Variants in COG6 observed in about 807,000 individuals in gnomAD.
COG6 encodes the protein component of oligomeric golgi complex 6.
COG6 carries 74 observed loss-of-function variants against 88.8 expected under a neutral mutation model. That is an observed-to-expected ratio of 0.83 (90% CI 0.69 to 1.01). The LOEUF (loss-of-function observed/expected upper bound fraction) is 1.01, where lower values mean the gene tolerates loss of function less well. Ranked by LOEUF, COG6 falls within the 50% of genes least tolerant of loss-of-function variation. COG6 has a pLI of 0.00. For missense variants in COG6, 800 were observed against 797.9 expected, an observed-to-expected ratio of 1.00 and a Z score of -0.03; for synonymous variants, 286 against 278.7, an observed-to-expected ratio of 1.03 and a Z score of -0.26.
At chr13:39,667,816 A>C (rs1875364827) in intron 4 of COG6, among the ~76,000 whole-genome samples, 1 of 152,200 alleles carries the variant, frequency 6.6e-6, no homozygotes, top group Non-Finnish European at 1.5e-5. Context: ...TTTATTTAGA[A>C]GTATAGGACT....
intron 18 of COG6, among the ~76,000 whole-genome samples, chr13:39,772,964 G>C (rs1881361106): frequency 6.6e-6 from 1 of 152,224 alleles, no homozygotes; most frequent in Admixed American, 6.5e-5. Context: ...TTTGGGGCCA[G>C]GAGCTTTGTA....
At chr13:39,743,862 C>G (rs1403056713) in intron 18 of COG6, among the ~76,000 whole-genome samples, 1 of 152,092 alleles carries the variant, frequency 6.6e-6, no homozygotes, top group East Asian at 1.9e-4. Flanking sequence ...CAATAAAATA[C>G]TGGCAAACTG....
chr13:39,682,474 A>G lies in COG6; in HGVS notation c.788+210A>G, dbSNP rs2137993629. On this transcript the variant is annotated intron_variant, in intron 8 of 18. Coordinates refer to ENST00000455146, the MANE Select transcript of COG6 (RefSeq NM_020751.3). ...TATAGAATACAATATGGAAAGAGAA[A>G]CCAAAGTGTCTCTGTATCTAGACTA... 3 of 484,556 alleles carry G rather than the reference A, an allele frequency of 6.2e-6. No individual in the cohort carries two copies. In the East Asian group the frequency reaches 1.1e-4, roughly 19 times the overall value. The allele number at this position is 484,556 out of a possible 1,614,324, so 30.0% of individuals were successfully genotyped here.
At chr13:39,696,884 G>A (rs1877305430) in intron 12 of COG6, among the ~76,000 whole-genome samples, 1 of 149,866 alleles carries the variant, frequency 6.7e-6, no homozygotes, top group Non-Finnish European at 1.5e-5. Context: ...TTTAGACTAG[G>A]GTGATGGTCT....
intron 4 of COG6, among the ~76,000 whole-genome samples, chr13:39,673,834 C>T (rs1875795240): frequency 6.6e-6 from 1 of 151,662 alleles, no homozygotes; most frequent in East Asian, 1.9e-4. Flanking sequence ...ACTTTTTTCC[C>T]TTAATATTTT....
chr13:39,717,775 G>A (rs1041929852), intron 13 of COG6, among the ~76,000 whole-genome samples: 1 of 152,084 alleles, frequency 6.6e-6, no homozygotes, highest in African/African-American at 2.4e-5. Context: ...GGAAACTGAG[G>A]TGGGATGATC....
chr13:39,751,550 T>C lies in COG6; in HGVS notation c.*457T>C. On this transcript the variant is annotated 3_prime_UTR_variant, in exon 19 of 19. Coordinates refer to ENST00000455146, the MANE Select transcript of COG6 (RefSeq NM_020751.3). Reference sequence around the variant, plus strand: ...TATGAGTAGGCATACTTAGTAGCTTTTCTGAACCTAGCCTATGTCTCTGTC... The same window carrying C: ...TATGAGTAGGCATACTTAGTAGCTTCTCTGAACCTAGCCTATGTCTCTGTC... 7.8e-7 allele frequency: 1 copy of C among 1,287,236 alleles called. No individual in the cohort carries two copies. The highest frequency in any genetic ancestry group is 1.5e-5 in the African/African-American group (1 of 65,908). The allele number at this position is 1,287,236 out of a possible 1,614,324, so 79.7% of individuals were successfully genotyped here.
At chr13:39,754,147 T>C (rs1384406888), downstream of COG6, among the ~76,000 whole-genome samples, 3 of 152,152 alleles carry the variant, frequency 2.0e-5, no homozygotes, top group African/African-American at 7.2e-5. Flanking sequence ...TTTGACCTTC[T>C]TCCCTGGCTC....
chr13:39,706,073 T>C (rs1332759594), intron 13 of COG6, among the ~76,000 whole-genome samples: 2 of 151,548 alleles, frequency 1.3e-5, no homozygotes, highest in African/African-American at 2.4e-5. Context: ...CAGTCCTAAA[T>C]TTATCTTGGA....
rs938642355 is a variant in COG6 at position 39,657,496 on chromosome 13, G to T, written c.153+1617G>T. ...TGAACCAGACCTTAGGACATTTCAA[G>T]GCTATAGTCTAAAGAAACTGCTTCA... On this transcript the variant is annotated intron_variant, in intron 1 of 18. Coordinates refer to ENST00000455146, the MANE Select transcript of COG6 (RefSeq NM_020751.3). 4.0e-5 allele frequency among the ~76,000 whole-genome samples: 6 copies of T among 151,150 alleles called. 1 individual carries two copies. Among genetic ancestry groups the T allele is most frequent in the Non-Finnish European group, 2.9e-5 (2 of 67,936 alleles).
At chr13:39,743,096 T>G (rs1880137830) in intron 18 of COG6, among the ~76,000 whole-genome samples, 1 of 152,144 alleles carries the variant, frequency 6.6e-6, no homozygotes. Context: ...CTGGGACACA[T>G]TTAAAGCAGT....
chr13:39,790,213 T>A (rs1359722626), exon 19 of COG6: 2 of 152,174 alleles, frequency 1.3e-5, no homozygotes, highest in Non-Finnish European at 2.9e-5. Context: ...GGTACAAACT[T>A]GAACAAATTA....
chr13:39,781,612 CT>C (rs991965722), intron 18 of COG6, among the ~76,000 whole-genome samples: 1 of 152,050 alleles, frequency 6.6e-6, no homozygotes, highest in Non-Finnish European at 1.5e-5. Flanking sequence ...GCCACTTTCT[CT>C]TTTTATTCAT....
chr13:39,756,822 C>T (rs1439708768), downstream of COG6, among the ~76,000 whole-genome samples: 3 of 152,110 alleles, frequency 2.0e-5, no homozygotes, highest in African/African-American at 7.2e-5. Flanking sequence ...AAGACATTCC[C>T]AGATGAACAA....
chr13:39,660,882 G>C lies in COG6; in HGVS notation c.369+1G>C. On this transcript the variant is annotated splice_donor_variant, in intron 3 of 18. Coordinates refer to ENST00000455146, the MANE Select transcript of COG6 (RefSeq NM_020751.3). LOFTEE classifies it high-confidence loss of function. ...TCAAGATATGACAAGTCGCCTACAG[G>C]TATTATATAATGGCTAGATTTTGGC... The C allele has an allele frequency of 6.4e-7, 1 of 1,570,102 alleles. No homozygotes were observed. Among genetic ancestry groups the C allele is most frequent in the Non-Finnish European group, 8.8e-7 (1 of 1,141,254 alleles).
At position 39,706,233 on chromosome 13, in the gene COG6, C is replaced by T. The variant is rs1322850666; in HGVS notation, c.1284+6615C>T. Among the ~76,000 whole-genome samples, 99 of 38,018 alleles carry T rather than the reference C, an allele frequency of 2.6e-3. 6 individuals carry two copies. The highest frequency in any genetic ancestry group is 5.0e-3 in the Non-Finnish European group (87 of 17,436). The allele number at this position is 38,018 out of a possible 152,430, so 24.9% of individuals were successfully genotyped here. On this transcript the variant is annotated intron_variant, in intron 13 of 18. Coordinates refer to ENST00000455146, the MANE Select transcript of COG6 (RefSeq NM_020751.3). Reference sequence around the variant, plus strand: ...TACTCCTTTATATATATATATACTCCTTTATATATATATATACTCCTTTAT... The same window carrying T: ...TACTCCTTTATATATATATATACTCTTTTATATATATATATACTCCTTTAT...
At chr13:39,658,293 G>A (rs2137939257) in intron 1 of COG6, among the ~76,000 whole-genome samples, 1 of 151,950 alleles carries the variant, frequency 6.6e-6, no homozygotes, top group East Asian at 1.9e-4. Flanking sequence ...ACAGGCACAT[G>A]CCACCATACC....
rs182200077 is a variant in COG6 at position 39,671,936 on chromosome 13, G to A, written c.429-5532G>A. 3.4e-4 allele frequency among the ~76,000 whole-genome samples: 52 copies of A among 152,018 alleles called. No individual in the cohort carries two copies. The East Asian group carries it at 3.5e-3, about 10-fold the overall frequency. The stretch of plus-strand genomic sequence containing the variant: ...CTATGATTTCTCAACAGTGCTGGAC[G>A]TTATGGTCTTTGACTATTTTAACTG... On this transcript the variant is annotated intron_variant, in intron 4 of 18. Transcript: ENST00000455146.
chr13:39,722,518 A>G (rs889464162), intron 15 of COG6, among the ~76,000 whole-genome samples: 4 of 151,578 alleles, frequency 2.6e-5, no homozygotes, highest in Non-Finnish European at 4.4e-5. Context: ...ACCATAGTTG[A>G]CAGTGTACTA....
Sources: allele counts gnomAD v4.1 joint callset (sites outside exome capture counted in the v4.1 genomes callset), GRCh38; gene constraint gnomAD v4.1.1; transcripts MANE v1.5; gene names NCBI Gene and HGNC (gene_info 2026-07-23, HGNC 2026-07-21).